AP5S1: variants seen among roughly 807,000 people sequenced by gnomAD.
AP5S1 encodes AP-5 complex subunit sigma-1.
In AP5S1, 13 loss-of-function variants were observed where a neutral mutation model predicts 13.9. The ratio of observed to expected loss-of-function variants is 0.94; its 90% confidence interval spans 0.61 to 1.49. The LOEUF is 1.49. Ranked by LOEUF, AP5S1 falls within the 40% of genes most tolerant of loss-of-function variation. The pLI is 0.00. For missense variants in AP5S1, 292 were observed against 272.3 expected (o/e 1.07, Z -0.51); for synonymous variants, 132 against 121.8 (o/e 1.08, Z -0.55).
In AP5S1 at chr20:3,823,883, A is replaced by C. The variant is rs1454933691; in HGVS notation, c.189A>C (p.Ser63=). 1.2e-6 allele frequency: 2 copies of C among 1,600,580 alleles called. No individual in the cohort carries two copies. Among genetic ancestry groups the C allele is most frequent in the Admixed American group, 3.3e-5 (2 of 59,988 alleles). ...QILAVARQVE[S]MCRLQQQASG... ...CCACTCTCCCCAGGCAGGTAGAGTCAATGTGTCGGCTGCAGCAGCAGGCAT... is the reference window on the plus strand; with the variant it reads ...CCACTCTCCCCAGGCAGGTAGAGTCCATGTGTCGGCTGCAGCAGCAGGCAT... Residue 63 remains serine, a synonymous_variant, in exon 3 of 3, where the codon TCA becomes TCC. Coordinates refer to ENST00000615891, the MANE Select transcript of AP5S1 (RefSeq NM_018347.3).
In AP5S1 at chr20:3,822,182, G is replaced by T; in HGVS notation, c.65G>T (p.Arg22Leu). 6.2e-7 allele frequency: 1 copy of T among 1,614,144 alleles called. No homozygotes were observed. Among genetic ancestry groups the T allele is most frequent in the East Asian group, 2.2e-5 (1 of 44,878 alleles). Residue 22 changes from arginine (R) to leucine (L), a missense_variant, in exon 2 of 3, where the codon CGA becomes CTA. Arg to Leu is a moderately radical substitution (Grantham distance 102). Transcript: ENST00000615891. ...APNTEDTGLC[R>L]VLYSCVFGAE... ...AATACTGAGGACACGGGCCTTTGCCGAGTGCTGTACTCCTGCGTCTTCGGT... is the reference window on the plus strand; with the variant it reads ...AATACTGAGGACACGGGCCTTTGCCTAGTGCTGTACTCCTGCGTCTTCGGT...
rs776743649 is a variant in AP5S1 at position 3,824,077 on chromosome 20, C to G, written c.383C>G (p.Ala128Gly). 13 of 1,613,866 alleles carry G rather than the reference C, an allele frequency of 8.1e-6. No homozygotes were observed. The highest frequency in any genetic ancestry group is 1.1e-5 in the Non-Finnish European group (13 of 1,180,008). Residue 128 changes from alanine (A) to glycine (G), a missense_variant, in exon 3 of 3, where the codon GCC (alanine) becomes GGC (glycine). Ala to Gly is a moderately conservative substitution (Grantham distance 60). Coordinates refer to ENST00000615891, the MANE Select transcript of AP5S1 (RefSeq NM_018347.3). ...TTAGGCTTTGCCCTGGTGCTGGATGCCCATGAGAACCTGCTACTGGCTGAG... is the reference window on the plus strand; with the variant it reads ...TTAGGCTTTGCCCTGGTGCTGGATGGCCATGAGAACCTGCTACTGGCTGAG... Reference protein sequence around the residue: ...LSLGFALVLDAHENLLLAEGT... With the variant: ...LSLGFALVLDGHENLLLAEGT...
At position 3,824,180 on chromosome 20, in the gene AP5S1, G is replaced by A. The variant is rs1228735931; in HGVS notation, c.486G>A (p.Arg162=). 1.2e-6 allele frequency: 2 copies of A among 1,614,112 alleles called. No homozygotes were observed. Among genetic ancestry groups the A allele is most frequent in the East Asian group, 2.2e-5 (1 of 44,890 alleles). The change falls in exon 3 of 3, where the codon CGG becomes CGA. Residue 162 remains arginine, a synonymous_variant. Coordinates refer to ENST00000615891, the MANE Select transcript of AP5S1 (RefSeq NM_018347.3). Reference sequence around the variant, plus strand: ...CGCCCAGCACCAGCCTTCTGCTGCGGGCTGACCGCATTGAGGGCATCCTCA... The same window carrying A: ...CGCCCAGCACCAGCCTTCTGCTGCGAGCTGACCGCATTGAGGGCATCCTCA... ...LLAPSTSLLL[R]ADRIEGILTR... is the part of the protein sequence containing the mutation.
At position 3,824,112 on chromosome 20, in the gene AP5S1, C is replaced by T. The variant is rs752209209; in HGVS notation, c.418C>T (p.Arg140Trp). Reference protein sequence around the residue: ...ENLLLAEGTLRLLTRLLLDHL... With the variant: ...ENLLLAEGTLWLLTRLLLDHL... The stretch of plus-strand genomic sequence containing the variant: ...CCTGCTACTGGCTGAGGGCACGCTC[C>T]GGCTGCTGACACGCCTCCTCCTTGA... The change falls in exon 3 of 3, where the codon CGG becomes TGG. Residue 140 changes from arginine to tryptophan, a missense_variant. By Grantham distance (101) the Arg-to-Trp change is moderately radical. Transcript: ENST00000615891. The T allele has an allele frequency of 2.7e-5, 44 of 1,613,842 alleles. No homozygotes were observed. Among genetic ancestry groups the T allele is most frequent in the Admixed American group, 2.5e-4 (15 of 60,010 alleles).
Position 3,828,723 on chromosome 20 carries a change from T to G in AP5S1, c.*4426T>G, listed in dbSNP as rs1425761934. On this transcript the variant is annotated 3_prime_UTR_variant, in exon 3 of 3. Coordinates refer to ENST00000615891, the MANE Select transcript of AP5S1 (RefSeq NM_018347.3). The stretch of plus-strand genomic sequence containing the variant: ...GAATCATGAGCTTGACAGCTCATTT[T>G]GGAAGTACTGCTGAATAGTATTCCA... The G allele has an allele frequency of 1.3e-5, 2 of 152,278 alleles. No individual in the cohort carries two copies. The highest frequency in any genetic ancestry group is 4.8e-5 in the African/African-American group (2 of 41,478). 9.4% of individuals were successfully genotyped at this position (152,278 alleles called of 1,614,324 possible).
At position 3,828,416 on chromosome 20, in the gene AP5S1, G is replaced by A. The variant is rs2089636392; in HGVS notation, c.*4119G>A. ...ATAGTTTACATTAGGGTTCACTCTTGGGGTGGTACATTCTATAGGTTTGGA... is the reference window on the plus strand; with the variant it reads ...ATAGTTTACATTAGGGTTCACTCTTAGGGTGGTACATTCTATAGGTTTGGA... On this transcript the variant is annotated 3_prime_UTR_variant, in exon 3 of 3. Transcript: ENST00000615891. 6.6e-6 allele frequency: 1 copy of A among 152,156 alleles called. No homozygotes were observed. 9.4% of individuals were successfully genotyped at this position (152,156 alleles called of 1,614,324 possible).
rs566755644 is a variant in AP5S1 at position 3,824,277 on chromosome 20, A to G, written c.583A>G (p.Ser195Gly). 23 of 1,613,526 alleles carry G rather than the reference A, an allele frequency of 1.4e-5. No homozygotes were observed. In the East Asian group the frequency reaches 3.6e-4, roughly 25 times the overall value. The change falls in exon 3 of 3, where the codon AGT becomes GGT. Residue 195 changes from serine (S) to glycine (G), a missense_variant. Ser to Gly is a moderately conservative substitution (Grantham distance 56, BLOSUM62 0). Transcript: ENST00000615891. ...TGTCCAAGGCCTGGAGAAGGAATTC[A>G]GTGCCGCTTGGCCCCGCTGATTCCT... ...QFVQGLEKEF[S>G]AAWPR is the part of the protein sequence containing the mutation.
In AP5S1 at chr20:3,822,240, T is replaced by C; in HGVS notation, c.123T>C (p.His41=). The part of the protein sequence containing the change: ...AEKSPDDPRP[H]GAERDRLLRK... ...AGTCACCTGATGACCCACGGCCGCA[T>C]GGTGCCGAGAGGGACAGGCTTCTCC... Residue 41 remains histidine (H), a synonymous_variant, in exon 2 of 3, where the codon CAT becomes CAC. Transcript: ENST00000615891. 6.2e-7 allele frequency: 1 copy of C among 1,614,178 alleles called. No homozygotes were observed. Among genetic ancestry groups the C allele is most frequent in the Non-Finnish European group, 8.5e-7 (1 of 1,180,032 alleles).
rs202076495 is a variant in AP5S1 at position 3,822,455 on chromosome 20, T to TA, written c.176+163dup. ...GTCTTCCACAGCTTTTCATAAGTGT[T>TA]ACGTGAAAAGGGTTAAATAAATAAT... On this transcript the variant is annotated intron_variant, in intron 2 of 2. Coordinates refer to ENST00000615891, the MANE Select transcript of AP5S1 (RefSeq NM_018347.3). 6.2e-3 allele frequency among the ~76,000 whole-genome samples: 941 copies of TA among 152,304 alleles called. 10 individuals carry two copies. Among genetic ancestry groups the TA allele is most frequent in the African/African-American group, 0.02 (851 of 41,566 alleles).
Position 3,825,418 on chromosome 20 carries a change from C to T in AP5S1, c.*1121C>T, listed in dbSNP as rs1230476389. 1 of 152,252 alleles carries T rather than the reference C, an allele frequency of 6.6e-6. No homozygotes were observed. Among genetic ancestry groups the T allele is most frequent in the Non-Finnish European group, 1.5e-5 (1 of 68,060 alleles). 9.4% of individuals were successfully genotyped at this position (152,252 alleles called of 1,614,324 possible). A position where few individuals can be genotyped will look rare whatever the true frequency, so the allele number is the denominator to read the frequency against. Reference sequence around the variant, plus strand: ...GGTCAAGGATCCCCCTAGGAGGCTTCTTGGGATGCCTCCATCTCTCATCCC... The same window carrying T: ...GGTCAAGGATCCCCCTAGGAGGCTTTTTGGGATGCCTCCATCTCTCATCCC... On this transcript the variant is annotated 3_prime_UTR_variant, in exon 3 of 3. Coordinates refer to ENST00000615891, the MANE Select transcript of AP5S1 (RefSeq NM_018347.3).
At position 3,824,122 on chromosome 20, in the gene AP5S1, C is replaced by T; in HGVS notation, c.428C>T (p.Thr143Ile). Residue 143 changes from threonine to isoleucine, a missense_variant, in exon 3 of 3, where the codon ACA becomes ATA. Coordinates refer to ENST00000615891, the MANE Select transcript of AP5S1 (RefSeq NM_018347.3). ...GCTGAGGGCACGCTCCGGCTGCTGA[C>T]ACGCCTCCTCCTTGACCACCTCCGG... ...LLAEGTLRLL[T>I]RLLLDHLRLL... is the part of the protein sequence containing the mutation. 1 of 1,614,040 alleles carries T rather than the reference C, an allele frequency of 6.2e-7. No homozygotes were observed. The highest frequency in any genetic ancestry group is 8.5e-7 in the Non-Finnish European group (1 of 1,180,042).
At chr20:3,822,563 A>G (rs932901600) in intron 2 of AP5S1, among the ~76,000 whole-genome samples, 4 of 152,218 alleles carry the variant, frequency 2.6e-5, no homozygotes, top group Admixed American at 2.0e-4. Flanking sequence ...TCTTATATAT[A>G]TTAACTCATT....
At chr20:3,821,906 T>C in intron 1 of AP5S1, 196 bp from the exon 2 acceptor site, 1 of 971,770 alleles carries the variant, frequency 1.0e-6, no homozygotes, top group Non-Finnish European at 1.2e-6. Flanking sequence ...TTTATGCCTA[T>C]TCTGCTTATG....
rs1390472529 is a variant in AP5S1, at chr20:3,824,268, A to C, written c.574A>C (p.Lys192Gln). 3 of 1,613,918 alleles carry C rather than the reference A, an allele frequency of 1.9e-6. No homozygotes were observed. The highest frequency in any genetic ancestry group is 1.7e-6 in the Non-Finnish European group (2 of 1,179,888). The change falls in exon 3 of 3, where the codon AAG becomes CAG. Residue 192 changes from lysine to glutamine, a missense_variant. Coordinates refer to ENST00000615891, the MANE Select transcript of AP5S1 (RefSeq NM_018347.3). ...LNDQFVQGLE[K>Q]EFSAAWPR Reference sequence around the variant, plus strand: ...CGACCAGTTTGTCCAAGGCCTGGAGAAGGAATTCAGTGCCGCTTGGCCCCG... The same window carrying C: ...CGACCAGTTTGTCCAAGGCCTGGAGCAGGAATTCAGTGCCGCTTGGCCCCG...
intron 1 of AP5S1, among the ~76,000 whole-genome samples, chr20:3,821,039 A>G (rs1489911457): frequency 1.3e-5 from 2 of 152,180 alleles, no homozygotes; most frequent in Non-Finnish European, 2.9e-5. Flanking sequence ...TTTAGTTTCT[A>G]TTTTGAAACA....
chr20:3,821,509 T>A (rs1281347889), intron 1 of AP5S1, among the ~76,000 whole-genome samples: 1 of 151,784 alleles, frequency 6.6e-6, no homozygotes, highest in East Asian at 1.9e-4. Flanking sequence ...GTAGCTGGGG[T>A]TACAACCATG....
intron 1 of AP5S1, 184 bp downstream of exon 1, chr20:3,820,942 T>C (rs1014751474): frequency 6.6e-6 from 1 of 152,208 alleles, no homozygotes; most frequent in African/African-American, 2.4e-5. Flanking sequence ...CTGTTTAGCC[T>C]TAGCTACAGA....
Position 3,827,643 on chromosome 20 carries a change from T to A in AP5S1, c.*3346T>A, listed in dbSNP as rs1405839599. 6.6e-6 allele frequency: 1 copy of A among 152,280 alleles called. No homozygotes were observed. Among genetic ancestry groups the A allele is most frequent in the East Asian group, 1.9e-4 (1 of 5,198 alleles). 9.4% of individuals were successfully genotyped at this position (152,280 alleles called of 1,614,324 possible). A position where few individuals can be genotyped will look rare whatever the true frequency, so the allele number is the denominator to read the frequency against. On this transcript the variant is annotated 3_prime_UTR_variant, in exon 3 of 3. Transcript: ENST00000615891. ...TTGGGTCACATACACTGCATGTATG[T>A]GAGCCCTGGGATGGGATTGGATCAT...
chr20:3,824,670 C>T lies in AP5S1; in HGVS notation c.*373C>T, dbSNP rs111286370. The T allele has an allele frequency of 0.066, 15,624 of 236,956 alleles. 685 individuals carry two copies. Among genetic ancestry groups the T allele is most frequent in the Non-Finnish European group, 0.093 (11,109 of 120,046 alleles). 14.7% of individuals were successfully genotyped at this position (236,956 alleles called of 1,614,324 possible). A position where few individuals can be genotyped will look rare whatever the true frequency, so the allele number is the denominator to read the frequency against. ...AGTCAAGGCCAGGCGCGGTGGCTCA[C>T]GCCTGTAATCCCAGCACTTTGCGGG... is the stretch of plus-strand genomic sequence containing the variant. On this transcript the variant is annotated 3_prime_UTR_variant, in exon 3 of 3. Transcript: ENST00000615891.
Sources: allele counts gnomAD v4.1 joint callset (sites outside exome capture counted in the v4.1 genomes callset), GRCh38; gene constraint gnomAD v4.1.1; transcripts MANE v1.5; gene names NCBI Gene and HGNC (gene_info 2026-07-23, HGNC 2026-07-21).